PRIM2: variants seen among roughly 807,000 people sequenced by gnomAD.
PRIM2 encodes the protein DNA primase subunit 2.
A neutral mutation model predicts 67.3 loss-of-function variants in PRIM2; 39 were observed. The observed-to-expected ratio is 0.58, with a 90% CI of 0.45 to 0.76. The LOEUF is 0.76. PRIM2 is among the 30% of genes least tolerant of loss of function. PRIM2 has a pLI of 0.00. For missense variants in PRIM2, 398 were observed against 598.7 expected, an observed-to-expected ratio of 0.66 and a Z score of 3.50; for synonymous variants, 143 against 198.7, an observed-to-expected ratio of 0.72 and a Z score of 2.36.
chr6:57,371,022 T>C (rs1332556612), intron 5 of PRIM2, among the ~76,000 whole-genome samples: 2 of 151,968 alleles, frequency 1.3e-5, no homozygotes, highest in African/African-American at 4.8e-5. Flanking sequence ...TAACTTCTAA[T>C]CTGAGCAAGA....
chr6:57,554,779 G>GT (rs1175533836), intron 10 of PRIM2, among the ~76,000 whole-genome samples: 7 of 152,308 alleles, frequency 4.6e-5, no homozygotes, highest in South Asian at 2.1e-4. Context: ...CTACTTCATG[G>GT]TTTTTTCCTT....
intron 7 of PRIM2, among the ~76,000 whole-genome samples, chr6:57,406,791 C>CATGG (rs1770905764): frequency 6.6e-6 from 1 of 152,132 alleles, no homozygotes; most frequent in South Asian, 2.1e-4. Flanking sequence ...TTCATGCCTA[C>CATGG]ATTTTAAAAG....
At chr6:57,405,423 CATT>C (rs1562734861) in intron 7 of PRIM2, among the ~76,000 whole-genome samples, 1 of 147,030 alleles carries the variant, frequency 6.8e-6, no homozygotes, top group Admixed American at 6.8e-5. Context: ...TCTGATTCAT[CATT>C]AATGAGAGAA....
the PRIM2 span, among the ~76,000 whole-genome samples, chr6:57,272,510 C>A: frequency 2.0e-5 from 3 of 152,188 alleles, no homozygotes; most frequent in Non-Finnish European, 4.4e-5. Flanking sequence ...TATTTTGAGC[C>A]TATGTGTGTC....
At position 57,645,988 on chromosome 6, in the gene PRIM2, A is replaced by G; in HGVS notation, c.1360A>G (p.Ile454Val). Residue 454 changes from isoleucine (I) to valine (V), a missense_variant, in exon 14 of 14, where the codon ATT (isoleucine) becomes GTT (valine). Physicochemically the swap from Ile to Val is conservative, Grantham distance 29. Coordinates refer to ENST00000615550, the MANE Select transcript of PRIM2 (RefSeq NM_000947.5). The part of the protein sequence containing the change: ...PNQFFCESQR[I>V]LNGGKDIKKE... ...TCAGTTCTTTTGTGAGAGCCAACGTATTCTAAATGGTGGTAAAGACATAAA... is the reference window on the plus strand; with the variant it reads ...TCAGTTCTTTTGTGAGAGCCAACGTGTTCTAAATGGTGGTAAAGACATAAA... 1 of 1,607,572 alleles carries G rather than the reference A, an allele frequency of 6.2e-7. No homozygotes were observed. Among genetic ancestry groups the G allele is most frequent in the Non-Finnish European group, 8.5e-7 (1 of 1,174,080 alleles).
chr6:57,276,566 A>G, the PRIM2 span, among the ~76,000 whole-genome samples: 1 of 152,098 alleles, frequency 6.6e-6, no homozygotes, highest in African/African-American at 2.4e-5. Flanking sequence ...AGACATATAT[A>G]GGAGCTTCAA....
chr6:57,636,760 C>T (rs1777129024), intron 13 of PRIM2, among the ~76,000 whole-genome samples: 1 of 152,212 alleles, frequency 6.6e-6, no homozygotes, highest in Non-Finnish European at 1.5e-5. Flanking sequence ...TAGCCCCAGT[C>T]AGGGGCTTAT....
At chr6:57,607,051 A>G (rs1448274882) in intron 12 of PRIM2, among the ~76,000 whole-genome samples, 10 of 152,224 alleles carry the variant, frequency 6.6e-5, no homozygotes, top group Non-Finnish European at 1.3e-4. Flanking sequence ...GTGACATAGC[A>G]AAGACTATTT....
intron 7 of PRIM2, among the ~76,000 whole-genome samples, chr6:57,501,335 T>C (rs1248729590): frequency 1.2e-4 from 19 of 152,190 alleles, no homozygotes; most frequent in African/African-American, 4.1e-4. Context: ...GTTTTGCTCT[T>C]GTCAGCCAGG....
At chr6:57,492,024 A>C (rs1221732706) in intron 7 of PRIM2, among the ~76,000 whole-genome samples, 1 of 152,128 alleles carries the variant, frequency 6.6e-6, no homozygotes, top group East Asian at 1.9e-4. Flanking sequence ...GGGCATGTTT[A>C]GGCAAGCCCC....
At chr6:57,378,235 A>G (rs1581843925) in intron 5 of PRIM2, among the ~76,000 whole-genome samples, 1 of 146,246 alleles carries the variant, frequency 6.8e-6, no homozygotes, top group South Asian at 2.2e-4. Flanking sequence ...TAATGTTTTA[A>G]TTTTTTTTTT....
chr6:57,585,136 A>C (rs1346513826), intron 10 of PRIM2, among the ~76,000 whole-genome samples: 2 of 152,164 alleles, frequency 1.3e-5, no homozygotes, highest in African/African-American at 4.8e-5. Flanking sequence ...AGTTAGAGAG[A>C]GTAACTAGAT....
the PRIM2 span, among the ~76,000 whole-genome samples, chr6:57,224,643 A>G: frequency 6.6e-6 from 1 of 152,222 alleles, no homozygotes; most frequent in African/African-American, 2.4e-5. Flanking sequence ...TGGGAAAAAA[A>G]AAAAAGAAAA....
intron 6 of PRIM2, among the ~76,000 whole-genome samples, chr6:57,380,309 TC>T (rs1193478538): frequency 6.6e-6 from 1 of 152,176 alleles, no homozygotes; most frequent in Non-Finnish European, 1.5e-5. Context: ...GAAACCCTCA[TC>T]ACCCATTTGG....
intron 7 of PRIM2, among the ~76,000 whole-genome samples, chr6:57,440,341 GTGT>G (rs1772163401): frequency 6.6e-6 from 1 of 151,964 alleles, no homozygotes; most frequent in Non-Finnish European, 1.5e-5. Flanking sequence ...TTAGGCTGCA[GTGT>G]TATAGTGTGA....
intron 5 of PRIM2, among the ~76,000 whole-genome samples, chr6:57,346,241 C>T (rs536221981): frequency 5.5e-4 from 83 of 152,252 alleles, no homozygotes; most frequent in African/African-American, 1.9e-3. Flanking sequence ...GAGTTGCTCT[C>T]GCTCTACTAG....
At chr6:57,367,889 C>CT (rs1769416309) in intron 5 of PRIM2, among the ~76,000 whole-genome samples, 1 of 152,188 alleles carries the variant, frequency 6.6e-6, no homozygotes. Flanking sequence ...TCAAAGTAGT[C>CT]ACAGGCCAGG....
At chr6:57,396,574 AGATAATT>A (rs1770522606) in intron 7 of PRIM2, among the ~76,000 whole-genome samples, 1 of 152,320 alleles carries the variant, frequency 6.6e-6, no homozygotes, top group East Asian at 1.9e-4. Context: ...TGAAGGCAGC[AGATAATT>A]GGTTGGTGAA....
At chr6:57,270,947 T>C in the PRIM2 span, among the ~76,000 whole-genome samples, 1 of 151,800 alleles carries the variant, frequency 6.6e-6, no homozygotes, top group Non-Finnish European at 1.5e-5. Context: ...TTTGTGTATG[T>C]TGAACCAGCC....
Sources: gnomAD v4.1 joint callset for allele counts (sites outside exome capture counted in the v4.1 genomes callset) on GRCh38, gnomAD v4.1.1 for gene constraint, MANE v1.5 for transcripts, NCBI Gene and HGNC (gene_info 2026-07-23, HGNC 2026-07-21) for gene names.